SMAD7: variants seen among roughly 807,000 people sequenced by gnomAD.
SMAD7 encodes the protein MAD (mothers against decapentaplegic, Drosophila) homolog 7.
SMAD7 carries 8 observed loss-of-function variants against 38.7 expected under a neutral mutation model. The ratio of observed to expected loss-of-function variants is 0.21; its 90% confidence interval spans 0.12 to 0.37. SMAD7 has a LOEUF of 0.37. SMAD7 is among the 10% of genes least tolerant of loss of function. SMAD7 has a pLI of 1.00. For missense variants in SMAD7, 477 were observed against 577.9 expected (o/e 0.83, Z 1.79); for synonymous variants, 327 against 265.1 (o/e 1.23, Z -2.27).
intron 3 of SMAD7, among the ~76,000 whole-genome samples, chr18:48,938,033 G>A (rs2143796839): frequency 6.6e-6 from 1 of 152,330 alleles, no homozygotes; most frequent in African/African-American, 2.4e-5. Context: ...TTCCAAGCCA[G>A]ACAATGAATA....
At chr18:48,929,623 T>C (rs959287756) in intron 3 of SMAD7, among the ~76,000 whole-genome samples, 1 of 137,270 alleles carries the variant, frequency 7.3e-6, no homozygotes, top group Non-Finnish European at 1.5e-5. Context: ...AAAATCTTAA[T>C]ACAAACCACT....
At chr18:48,923,681 T>C (rs1387537185) in intron 3 of SMAD7, among the ~76,000 whole-genome samples, 2 of 152,092 alleles carry the variant, frequency 1.3e-5, no homozygotes, top group African/African-American at 4.8e-5. Flanking sequence ...GTCTCATTCC[T>C]TTCCCTCAAC....
Position 48,950,532 on chromosome 18 carries a change from G to A in SMAD7, c.-108C>T. 8.9e-7 allele frequency: 1 copy of A among 1,127,678 alleles called. No homozygotes were observed. Among genetic ancestry groups the A allele is most frequent in the Admixed American group, 3.4e-5 (1 of 29,704 alleles). The allele number at this position is 1,127,678 out of a possible 1,614,324, so 69.9% of individuals were successfully genotyped here. ...CCGAGTTGGGGCAGCAGGCGCAGGC[G>A]ACAGCAGCAGCAGCAGGGGCCCGGG... is the stretch of plus-strand genomic sequence containing the variant. On this transcript the variant is annotated 5_prime_UTR_variant, in exon 1 of 4. Transcript: ENST00000262158.
In SMAD7 at chr18:48,921,560, AG is replaced by A; in HGVS notation, c.1092del (p.Ser365ProfsTer36). On this transcript the variant is annotated frameshift_variant, in exon 4 of 4. Coordinates refer to ENST00000262158, the MANE Select transcript of SMAD7 (RefSeq NM_005904.4). LOFTEE classifies it high-confidence loss of function. This position sits in a 1 kb window ranked among gnomAD's most constrained non-coding sequence, Gnocchi z 6.4. ...TLLVHKVFPGFSIKAFDYEKA... is the reference protein window; with the variant it reads ...TLLVHKVFPGXSIKAFDYEKA... The stretch of plus-strand genomic sequence containing the variant: ...TTCTCGTAGTCGAAAGCCTTGATGG[AG>A]AAACCGGGGAACACCTTGTGTACCA... 1 of 1,614,210 alleles carries A rather than the reference AG, an allele frequency of 6.2e-7. No homozygotes were observed. The highest frequency in any genetic ancestry group is 8.5e-7 in the Non-Finnish European group (1 of 1,180,040).
At chr18:48,948,103 G>A (rs1441903313) in intron 2 of SMAD7, among the ~76,000 whole-genome samples, 2 of 152,128 alleles carry the variant, frequency 1.3e-5, no homozygotes, top group South Asian at 2.1e-4. Context: ...ACTTCTCTCT[G>A]GACTAAAGCT....
At chr18:48,946,207 T>G (rs1346623441) in intron 2 of SMAD7, among the ~76,000 whole-genome samples, 1 of 152,238 alleles carries the variant, frequency 6.6e-6, no homozygotes, top group Non-Finnish European at 1.5e-5. Flanking sequence ...AGTTGTCCAC[T>G]GTAAAACTTT....
At chr18:48,940,662 G>T (rs1051393503) in intron 3 of SMAD7, among the ~76,000 whole-genome samples, 7 of 152,206 alleles carry the variant, frequency 4.6e-5, no homozygotes, top group Non-Finnish European at 1.5e-5. Context: ...TGAGGCAGGA[G>T]AATTGCTTGA....
At chr18:48,934,362 G>A (rs16950134) in intron 3 of SMAD7, among the ~76,000 whole-genome samples, 7,031 of 152,150 alleles carry the variant, frequency 0.046, 469 homozygotes, top group African/African-American at 0.16. Context: ...GTTCCCGGCG[G>A]CTAAGTGCCA....
At chr18:48,949,152 G>A (rs566548403) in intron 1 of SMAD7, 8 of 311,142 alleles carry the variant, frequency 2.6e-5, no homozygotes, top group Non-Finnish European at 3.7e-5. Context: ...GAAGGAAAAA[G>A]TAGGGGACAC....
intron 3 of SMAD7, among the ~76,000 whole-genome samples, chr18:48,939,492 G>A (rs2070112100): frequency 6.6e-6 from 1 of 151,680 alleles, no homozygotes; most frequent in African/African-American, 2.4e-5. Flanking sequence ...GTTTGCAAGG[G>A]CGCAGGAAAG....
intron 3 of SMAD7, among the ~76,000 whole-genome samples, chr18:48,935,539 G>T (rs1456308600): frequency 6.6e-6 from 1 of 152,174 alleles, no homozygotes; most frequent in Non-Finnish European, 1.5e-5. Context: ...GGTCTCCAGG[G>T]GCCCAGGAAG....
chr18:48,931,566 T>C (rs1315063003), intron 3 of SMAD7, among the ~76,000 whole-genome samples: 1 of 152,206 alleles, frequency 6.6e-6, no homozygotes, highest in African/African-American at 2.4e-5. Flanking sequence ...CAGAAAGAAC[T>C]ACAACCTTTT....
At chr18:48,935,957 C>A (rs1057487490) in intron 3 of SMAD7, among the ~76,000 whole-genome samples, 25 of 152,024 alleles carry the variant, frequency 1.6e-4, no homozygotes, top group African/African-American at 6.0e-4. Context: ...CGCCTGTAAT[C>A]CCAGCTGCTA....
chr18:48,937,867 T>C (rs1431475269), intron 3 of SMAD7, among the ~76,000 whole-genome samples: 3 of 152,196 alleles, frequency 2.0e-5, no homozygotes, highest in Non-Finnish European at 2.9e-5. Flanking sequence ...CCCACATGCC[T>C]GTGAGCTCAA....
chr18:48,947,849 C>T (rs529263895), intron 2 of SMAD7, among the ~76,000 whole-genome samples: 1 of 150,502 alleles, frequency 6.6e-6, no homozygotes, highest in East Asian at 1.9e-4. Context: ...GAGAAAACCC[C>T]GGGAGAGGAC....
chr18:48,942,465 A>C lies in SMAD7; in HGVS notation c.742+16T>G, dbSNP rs781293047. The C allele has an allele frequency of 2.0e-6, 3 of 1,535,958 alleles. No homozygotes were observed. The highest frequency in any genetic ancestry group is 1.8e-6 in the Non-Finnish European group (2 of 1,137,848). On this transcript the variant is annotated intron_variant, in intron 3 of 3. Coordinates refer to ENST00000262158, the MANE Select transcript of SMAD7 (RefSeq NM_005904.4). ...AAAGGTTGGAATTGCCAGGAAAATA[A>C]GAGAAAGCATCTTACCTGAAAGCCC...
At chr18:48,938,014 T>G (rs998369853) in intron 3 of SMAD7, among the ~76,000 whole-genome samples, 1 of 152,200 alleles carries the variant, frequency 6.6e-6, no homozygotes, top group Non-Finnish European at 1.5e-5. Context: ...TCCCAGTTCA[T>G]GATCACAATT....
rs1380687073 is a variant in SMAD7, at chr18:48,942,794, G to A, written c.668-239C>T. 2.2e-6 allele frequency: 3 copies of A among 1,339,142 alleles called. No homozygotes were observed. In the Admixed American group the frequency reaches 1.1e-4, roughly 51 times the overall value. The allele number at this position is 1,339,142 out of a possible 1,614,324, so 83.0% of individuals were successfully genotyped here. A position where few individuals can be genotyped will look rare whatever the true frequency, so the allele number is the denominator to read the frequency against. ...AGCCAGTTAATCATTACTCGAGTCAGGCTCAATGAGACTGGCTGGAATTTC... is the reference window on the plus strand; with the variant it reads ...AGCCAGTTAATCATTACTCGAGTCAAGCTCAATGAGACTGGCTGGAATTTC... On this transcript the variant is annotated intron_variant, in intron 2 of 3. Coordinates refer to ENST00000262158, the MANE Select transcript of SMAD7 (RefSeq NM_005904.4).
chr18:48,948,521 GCCCAA>G, intron 1 of SMAD7, 84 bp from the exon 2 acceptor site: 1 of 983,570 alleles, frequency 1.0e-6, no homozygotes, highest in East Asian at 2.7e-5. Flanking sequence ...CATTCTTTTA[GCCCAA>G]CTGTTTGTCT....
Sources: allele counts gnomAD v4.1 joint callset (sites outside exome capture counted in the v4.1 genomes callset), GRCh38; gene constraint gnomAD v4.1.1; non-coding constraint Gnocchi (gnomAD v3.1); transcripts MANE v1.5; gene names NCBI Gene and HGNC (gene_info 2026-07-23, HGNC 2026-07-21).